SHANK2: variants seen among roughly 807,000 people sequenced by gnomAD.
SHANK2 encodes SH3 and multiple ankyrin repeat domains protein 2.
A neutral mutation model predicts 133.7 loss-of-function variants in SHANK2; 43 were observed. The observed-to-expected ratio is 0.32, with a 90% CI of 0.25 to 0.41. The LOEUF (loss-of-function observed/expected upper bound fraction) is 0.41. Among genes scored for constraint, SHANK2 ranks in the 10% least tolerant of loss-of-function variants. The pLI is 1.00. For synonymous variants in SHANK2, 1,017 were observed against 952.8 expected, an observed-to-expected ratio of 1.07 and a Z score of -1.24; for missense variants, 1,994 against 2,235.8, an observed-to-expected ratio of 0.89 and a Z score of 2.18.
intron 14 of SHANK2, among the ~76,000 whole-genome samples, chr11:70,782,339 G>A (rs1348554778): frequency 6.6e-6 from 1 of 152,254 alleles, no homozygotes; most frequent in African/African-American, 2.4e-5. Flanking sequence ...TTACAGGCGT[G>A]AGCCACCGCG....
At chr11:70,624,657 C>T (rs1468617795) in intron 17 of SHANK2, among the ~76,000 whole-genome samples, 2 of 152,194 alleles carry the variant, frequency 1.3e-5, no homozygotes, top group African/African-American at 2.4e-5. Flanking sequence ...CACGTGTCAA[C>T]GTCTGGAGAC....
chr11:71,068,000 A>G (rs1951090020), intron 9 of SHANK2, among the ~76,000 whole-genome samples: 1 of 151,792 alleles, frequency 6.6e-6, no homozygotes, highest in South Asian at 2.1e-4. Context: ...CATCACCATC[A>G]TCACCATCCA....
At chr11:70,718,313 C>T (rs781823806) in intron 14 of SHANK2, among the ~76,000 whole-genome samples, 1 of 152,240 alleles carries the variant, frequency 6.6e-6, no homozygotes, top group Non-Finnish European at 1.5e-5. Context: ...GGCAGCCGGG[C>T]AGCCAAGCCC....
chr11:70,842,960 C>G (rs978119234), intron 11 of SHANK2, among the ~76,000 whole-genome samples: 4 of 152,130 alleles, frequency 2.6e-5, no homozygotes, highest in Non-Finnish European at 5.9e-5. Context: ...ATCTGACTAC[C>G]CTGACGCAGT....
Position 70,487,089 on chromosome 11 carries a change from A to G in SHANK2, c.3204T>C (p.Pro1068=), listed in dbSNP as rs1301440863. ...QAPEPPSQLR[P]DESLTVSSPF... Reference sequence around the variant, plus strand: ...GGCTGCTGACGGTCAGGCTTTCGTCAGGCCGCAGCTGGCTCGGTGGCTCCG... The same window carrying G: ...GGCTGCTGACGGTCAGGCTTTCGTCGGGCCGCAGCTGGCTCGGTGGCTCCG... The change falls in exon 25 of 26, where the codon CCT becomes CCC. Residue 1068 remains proline, a synonymous_variant. Coordinates refer to ENST00000601538, the MANE Select transcript of SHANK2 (RefSeq NM_012309.5). This position sits in a 1 kb window ranked among gnomAD's most constrained non-coding sequence, Gnocchi z 5.8. 3.7e-6 allele frequency: 6 copies of G among 1,610,032 alleles called. No individual in the cohort carries two copies. The highest frequency in any genetic ancestry group is 5.1e-6 in the Non-Finnish European group (6 of 1,179,830).
At chr11:71,098,161 ATGTGCATGCCTG>A (rs1425611564) in intron 6 of SHANK2, among the ~76,000 whole-genome samples, 12 of 132,268 alleles carry the variant, frequency 9.1e-5, no homozygotes, top group South Asian at 2.5e-4. Context: ...GCCTGTGTGC[ATGTGCATGCCTG>A]TGTGCATGCC....
chr11:71,078,737 C>T (rs979878056), intron 8 of SHANK2, among the ~76,000 whole-genome samples: 17,164 of 152,222 alleles, frequency 0.11, 1,341 homozygotes, highest in East Asian at 0.34. Context: ...AATGGCCTGA[C>T]GACTCAGAAG....
chr11:71,159,275 C>T (rs1327782343), intron 2 of SHANK2, among the ~76,000 whole-genome samples: 1 of 152,144 alleles, frequency 6.6e-6, no homozygotes, highest in Non-Finnish European at 1.5e-5. Context: ...CACTCATGGC[C>T]CCTTCCTCCA....
At chr11:70,766,655 C>A (rs1555041475) in intron 14 of SHANK2, among the ~76,000 whole-genome samples, 1 of 152,184 alleles carries the variant, frequency 6.6e-6, no homozygotes, top group Non-Finnish European at 1.5e-5. Context: ...ATATCAATGC[C>A]CCTCAGAACA....
intron 15 of SHANK2, among the ~76,000 whole-genome samples, chr11:70,663,348 A>T (rs1944613900): frequency 6.6e-6 from 1 of 152,036 alleles, no homozygotes; most frequent in Non-Finnish European, 1.5e-5. Flanking sequence ...AGGAGGAGGG[A>T]CGGGGCAAAC....
At chr11:71,092,228 G>C (rs1252832139) in intron 8 of SHANK2, among the ~76,000 whole-genome samples, 194 bp downstream of exon 8, 4 of 152,208 alleles carry the variant, frequency 2.6e-5, no homozygotes, top group African/African-American at 9.6e-5. Flanking sequence ...ATGCAAATGT[G>C]TCTGTTTTCA....
At chr11:70,504,031 C>T (rs1295548697) in intron 17 of SHANK2, among the ~76,000 whole-genome samples, 1 of 152,254 alleles carries the variant, frequency 6.6e-6, no homozygotes, top group East Asian at 1.9e-4. Context: ...AGCCCAGAGG[C>T]AGCTGTCTCT....
chr11:70,864,035 T>C, intron 11 of SHANK2: 1 of 363,186 alleles, frequency 2.8e-6, no homozygotes, highest in Non-Finnish European at 5.4e-6. Flanking sequence ...TCCTGGCCCC[T>C]CAGTCTCTAC....
intron 11 of SHANK2, among the ~76,000 whole-genome samples, chr11:70,888,826 G>GA (rs782171832): frequency 1.1e-3 from 153 of 136,460 alleles, no homozygotes; most frequent in Non-Finnish European, 1.5e-3. Context: ...CAAAAAAAAA[G>GA]AAAAAAAAAA....
intron 14 of SHANK2, among the ~76,000 whole-genome samples, chr11:70,734,274 A>C (rs1946353872): frequency 6.6e-6 from 1 of 152,202 alleles, no homozygotes; most frequent in African/African-American, 2.4e-5. Flanking sequence ...TTGTTCGAGA[A>C]TGTTTTGCCT....
chr11:70,698,380 G>A (rs1945443616), intron 15 of SHANK2: 6 of 448,416 alleles, frequency 1.3e-5, no homozygotes, highest in Non-Finnish European at 2.5e-5. Flanking sequence ...CTGCCTCAAG[G>A]CTCCTGTGGC....
chr11:70,592,336 G>T (rs1554988253), intron 17 of SHANK2, among the ~76,000 whole-genome samples: 1 of 152,188 alleles, frequency 6.6e-6, no homozygotes, highest in Non-Finnish European at 1.5e-5. Context: ...CTTTGGGTCA[G>T]TCCGAGAGGA....
chr11:70,873,293 G>T (rs1180003728), intron 11 of SHANK2, among the ~76,000 whole-genome samples: 52 of 152,248 alleles, frequency 3.4e-4, no homozygotes, highest in Admixed American at 3.4e-3. Flanking sequence ...TGAGGAAGAG[G>T]AGGGCAGGTG....
intron 2 of SHANK2, among the ~76,000 whole-genome samples, chr11:71,181,704 G>A (rs1555113787): frequency 6.6e-6 from 1 of 152,054 alleles, no homozygotes. Context: ...CCGTGACACC[G>A]CATGCATAAC....
Sources: gnomAD v4.1 joint callset for allele counts (sites outside exome capture counted in the v4.1 genomes callset) on GRCh38, gnomAD v4.1.1 for gene constraint, Gnocchi (gnomAD v3.1) non-coding constraint, MANE v1.5 for transcripts, NCBI Gene and HGNC (gene_info 2026-07-23, HGNC 2026-07-21) for gene names.